Variants in TNRC6C observed in about 807,000 individuals in gnomAD.
The protein encoded by TNRC6C is trinucleotide repeat-containing gene 6C protein.
A neutral mutation model predicts 153.7 loss-of-function variants in TNRC6C; 20 were observed. That is an observed-to-expected ratio of 0.13 (90% CI 0.09 to 0.19). TNRC6C has a LOEUF of 0.19. Among genes scored for constraint, TNRC6C ranks in the 10% least tolerant of loss-of-function variants. The probability of loss-of-function intolerance (pLI) is 1.00; values close to 1 mark genes in which losing one functional copy is unlikely to be tolerated. For synonymous variants in TNRC6C, 811 were observed against 841.4 expected (o/e 0.96, Z 0.63); for missense variants, 1,987 against 2,172.0 (o/e 0.91, Z 1.69).
intron 1 of TNRC6C, 111 bp from the exon 4 acceptor site, chr17:78,031,405 C>A: frequency 3.9e-6 from 3 of 773,906 alleles, no homozygotes; most frequent in Non-Finnish European, 5.3e-6. Flanking sequence ...GTTTCCAAAG[C>A]ACTACATTGT....
chr17:78,030,002 G>A lies in TNRC6C; in HGVS notation c.-545-1514G>A, dbSNP rs139236352. ...GCCTTAGGCTGTTTTACAGTTAACT[G>A]TTGTTTTTGGCTTTTTTTTATGTAG... On this transcript the variant is annotated intron_variant, in intron 1 of 19. Transcript: ENST00000301624. 9.3e-3 allele frequency among the ~76,000 whole-genome samples: 1,410 copies of A among 152,120 alleles called. 24 individuals are homozygous for A. The highest frequency in any genetic ancestry group is 0.032 in the African/African-American group (1,344 of 41,508).
chr17:77,964,174 GA>G (rs2070880723), intron 1 of TNRC6C, among the ~76,000 whole-genome samples: 1 of 152,190 alleles, frequency 6.6e-6, no homozygotes, highest in Non-Finnish European at 1.5e-5. Context: ...CAAAAATGAA[GA>G]AGAGTGTGAC....
intron 13 of TNRC6C, 112 bp downstream of exon 15, chr17:78,087,205 A>C: frequency 6.8e-7 from 1 of 1,475,174 alleles, no homozygotes; most frequent in Non-Finnish European, 9.0e-7. Context: ...CAGCGCTGAA[A>C]CCATAGCCTG....
intron 3 of TNRC6C, among the ~76,000 whole-genome samples, chr17:78,063,355 A>G (rs902633490): frequency 1.3e-5 from 2 of 151,768 alleles, no homozygotes; most frequent in Non-Finnish European, 2.9e-5. Flanking sequence ...AAAGGTCTTC[A>G]TCCTCATCAT....
intron 1 of TNRC6C, among the ~76,000 whole-genome samples, 178 bp downstream of exon 3, chr17:78,005,257 T>C (rs2071476692): frequency 6.6e-6 from 1 of 152,178 alleles, no homozygotes; most frequent in South Asian, 2.1e-4. Context: ...CATCTGCATC[T>C]CATTGGTATT....
intron 1 of TNRC6C, among the ~76,000 whole-genome samples, chr17:77,997,811 C>T (rs1034011023): frequency 2.6e-5 from 4 of 152,148 alleles, no homozygotes; most frequent in African/African-American, 7.2e-5. Context: ...CCTGCCACCG[C>T]GCCTGGCTAA....
chr17:78,005,044 T>C (rs1034065845), upstream of TNRC6C: 21 of 1,123,268 alleles, frequency 1.9e-5, no homozygotes, highest in East Asian at 3.5e-5. Flanking sequence ...TTCTCTCTCT[T>C]TTTTTTTTTT....
chr17:78,055,053 T>G (rs1449499003), intron 3 of TNRC6C, among the ~76,000 whole-genome samples: 1 of 152,260 alleles, frequency 6.6e-6, no homozygotes, highest in Non-Finnish European at 1.5e-5. Context: ...TGCAGAGTAC[T>G]GCGCACCACT....
chr17:78,058,725 C>T (rs2072707138), intron 3 of TNRC6C, among the ~76,000 whole-genome samples: 1 of 152,216 alleles, frequency 6.6e-6, no homozygotes, highest in East Asian at 1.9e-4. Flanking sequence ...ATTTTGCTGC[C>T]TATTTGCAGC....
At chr17:78,048,485 G>A (rs1316777221) in intron 2 of TNRC6C, among the ~76,000 whole-genome samples, 2 of 152,264 alleles carry the variant, frequency 1.3e-5, no homozygotes, top group East Asian at 3.9e-4. Flanking sequence ...TACTGTCATT[G>A]CCAGTGTTTC....
intron 1 of TNRC6C, among the ~76,000 whole-genome samples, chr17:77,963,537 A>G (rs1001731232): frequency 6.6e-6 from 1 of 152,232 alleles, no homozygotes; most frequent in Non-Finnish European, 1.5e-5. Flanking sequence ...TGAAGAAGCT[A>G]TTGCAGGAAT....
intron 2 of TNRC6C, among the ~76,000 whole-genome samples, chr17:78,044,032 C>G (rs1395681669): frequency 6.6e-6 from 1 of 152,186 alleles, no homozygotes; most frequent in Non-Finnish European, 1.5e-5. Flanking sequence ...TCGAAGCTCT[C>G]TCTTCAATAT....
intron 2 of TNRC6C, among the ~76,000 whole-genome samples, chr17:78,043,907 T>C (rs767460676): frequency 3.9e-5 from 6 of 152,352 alleles, no homozygotes; most frequent in Admixed American, 1.3e-4. Flanking sequence ...TTATTCTTTT[T>C]ATGGCTGAAC....
intron 1 of TNRC6C, among the ~76,000 whole-genome samples, chr17:77,997,500 T>C (rs1443415783): frequency 6.6e-6 from 1 of 152,056 alleles, no homozygotes; most frequent in Non-Finnish European, 1.5e-5. Context: ...ACCTTTATCT[T>C]TAGCTCTGCA....
exon 3 of TNRC6C, chr17:78,050,758 G>A: frequency 6.3e-7 from 1 of 1,597,798 alleles, no homozygotes; most frequent in Non-Finnish European, 8.5e-7. Context: ...AAATCAGGAG[G>A]ACAAGTCACC....
chr17:78,092,293 T>G lies in TNRC6C; in HGVS notation c.3971-640T>G, dbSNP rs1032400446. Reference sequence around the variant, plus strand: ...CTTACGGAAAATCATCACACACTGCTGGCACCTTTCTTAGCAGGAGGGCTC... The same window carrying G: ...CTTACGGAAAATCATCACACACTGCGGGCACCTTTCTTAGCAGGAGGGCTC... On this transcript the variant is annotated intron_variant, in intron 14 of 19. Coordinates refer to ENST00000301624, the Ensembl canonical transcript of TNRC6C. Among the ~76,000 whole-genome samples, 16 of 152,340 alleles carry G rather than the reference T, an allele frequency of 1.1e-4. No individual in the cohort carries two copies. In the Middle Eastern group the frequency reaches 0.01, roughly 97 times the overall value.
In TNRC6C at chr17:78,048,662, A is replaced by G. The variant is rs777319363; in HGVS notation, c.-218-183A>G. Among the ~76,000 whole-genome samples, 56 of 152,352 alleles carry G rather than the reference A, an allele frequency of 3.7e-4. 1 individual carries two copies. Among genetic ancestry groups the G allele is most frequent in the South Asian group, 4.1e-4 (2 of 4,830 alleles). On this transcript the variant is annotated intron_variant, in intron 2 of 19. Transcript: ENST00000301624. ...AATTGATATAATTTTAAAAACATTA[A>G]CGCTCTTTAAAATGGGATCTATTAA...
At chr17:78,034,795 C>T (rs1013089720) in intron 2 of TNRC6C, among the ~76,000 whole-genome samples, 1 of 152,034 alleles carries the variant, frequency 6.6e-6, no homozygotes, top group Admixed American at 6.5e-5. Context: ...ACAGCAAAAC[C>T]CCCTTTCTGC....
chr17:78,058,942 A>C (rs1053896792), intron 3 of TNRC6C, among the ~76,000 whole-genome samples: 11 of 152,244 alleles, frequency 7.2e-5, no homozygotes, highest in African/African-American at 2.4e-4. Context: ...TGTGTGCATT[A>C]ATCATGGAAG....
Sources: gnomAD v4.1 joint callset for allele counts (sites outside exome capture counted in the v4.1 genomes callset) on GRCh38, gnomAD v4.1.1 for gene constraint, MANE v1.5 for transcripts, NCBI Gene and HGNC (gene_info 2026-07-23, HGNC 2026-07-21) for gene names.